PSEN1: variants seen among roughly 807,000 people sequenced by gnomAD.
The protein encoded by PSEN1 is presenilin 1.
A neutral mutation model predicts 53.5 loss-of-function variants in PSEN1; 15 were observed. The observed-to-expected ratio is 0.28, with a 90% CI of 0.19 to 0.43. The LOEUF is 0.43. Ranked by LOEUF, PSEN1 falls within the 20% of genes least tolerant of loss-of-function variation. PSEN1 has a pLI of 1.00. For missense variants in PSEN1, 387 were observed against 571.2 expected (o/e 0.68, Z 3.29); for synonymous variants, 208 against 209.8 (o/e 0.99, Z 0.08).
intron 10 of PSEN1, among the ~76,000 whole-genome samples, chr14:73,216,784 A>G (rs1899934874): frequency 6.6e-6 from 1 of 152,096 alleles, no homozygotes; most frequent in Admixed American, 6.6e-5. Context: ...ATTAATTAAT[A>G]TGATAAAATG....
intron 3 of PSEN1, among the ~76,000 whole-genome samples, chr14:73,154,685 T>C (rs2139993904): frequency 6.6e-6 from 1 of 152,232 alleles, no homozygotes; most frequent in South Asian, 2.1e-4. Flanking sequence ...ATATGACAGA[T>C]ATATCCCAAT....
At chr14:73,197,279 G>C (rs1814828311) in intron 7 of PSEN1, among the ~76,000 whole-genome samples, 1 of 152,150 alleles carries the variant, frequency 6.6e-6, no homozygotes, top group Admixed American at 6.5e-5. Flanking sequence ...AAGTGCAGTT[G>C]ATCGAAAGAA....
intron 6 of PSEN1, among the ~76,000 whole-genome samples, chr14:73,188,733 C>T (rs1472593253): frequency 6.6e-6 from 1 of 152,140 alleles, no homozygotes; most frequent in Admixed American, 6.5e-5. Flanking sequence ...AGAAGCTTGC[C>T]TATTAAGGTC....
Position 73,219,741 on chromosome 14 carries a change from T to G in PSEN1, c.*452T>G, listed in dbSNP as rs200629432. 5.1e-6 allele frequency: 1 copy of G among 196,000 alleles called. No homozygotes were observed. Among genetic ancestry groups the G allele is most frequent in the Non-Finnish European group, 1.1e-5 (1 of 94,584 alleles). The allele number at this position is 196,000 out of a possible 1,614,324, so 12.1% of individuals were successfully genotyped here. A position where few individuals can be genotyped will look rare whatever the true frequency, so the allele number is the denominator to read the frequency against. ...GAAAATCAACCCAATAATTCTGTAT[T>G]AACTGAATTCTGAACTTTTCAGGAG... On this transcript the variant is annotated 3_prime_UTR_variant, in exon 12 of 12. Transcript: ENST00000324501.
At chr14:73,148,258 A>G (rs1897126209) in intron 3 of PSEN1, 152 bp downstream of exon 3, 1 of 715,644 alleles carries the variant, frequency 1.4e-6, no homozygotes, top group Non-Finnish European at 2.5e-6. Flanking sequence ...TTGCTGGAGG[A>G]CACAGGGCTG....
At chr14:73,195,344 T>A (rs1010518263) in intron 7 of PSEN1, among the ~76,000 whole-genome samples, 1 of 152,088 alleles carries the variant, frequency 6.6e-6, no homozygotes, top group African/African-American at 2.4e-5. Flanking sequence ...AGCTAATTTT[T>A]GTATTTTTAG....
intron 3 of PSEN1, chr14:73,168,059 A>G (rs1223362774): frequency 6.6e-6 from 1 of 152,028 alleles, no homozygotes; most frequent in African/African-American, 2.4e-5. Context: ...TGTGCTCATA[A>G]AAATATTTCA....
intron 3 of PSEN1, among the ~76,000 whole-genome samples, chr14:73,154,321 G>C (rs1436085753): frequency 6.6e-6 from 1 of 152,148 alleles, no homozygotes; most frequent in Admixed American, 6.5e-5. Flanking sequence ...TGCAGAGCTA[G>C]GTGTGGTGGC....
intron 8 of PSEN1, among the ~76,000 whole-genome samples, chr14:73,201,881 G>A (rs1251361269): frequency 6.6e-6 from 1 of 151,630 alleles, no homozygotes; most frequent in African/African-American, 2.4e-5. Flanking sequence ...GGAGTAGCTG[G>A]GATTATAGGC....
chr14:73,143,702 A>G (rs190271846), intron 1 of PSEN1, among the ~76,000 whole-genome samples: 464 of 152,280 alleles, frequency 3.0e-3, no homozygotes, highest in Non-Finnish European at 5.2e-3. Context: ...GCATAGGGTA[A>G]AAATGGAAAC....
intron 1 of PSEN1, among the ~76,000 whole-genome samples, chr14:73,139,677 C>G (rs1896862436): frequency 6.6e-6 from 1 of 152,186 alleles, no homozygotes; most frequent in Non-Finnish European, 1.5e-5. Flanking sequence ...ATTTCAATAT[C>G]TAACCAGTAT....
Position 73,192,662 on chromosome 14 carries a change from T to C in PSEN1, c.567T>C (p.Tyr189=), listed in dbSNP as rs757147759. The C allele has an allele frequency of 5.0e-6, 8 of 1,613,736 alleles. No individual in the cohort carries two copies. In the South Asian group the frequency reaches 6.6e-5, roughly 13 times the overall value. The change falls in exon 7 of 12, where the codon TAT becomes TAC. Residue 189 remains tyrosine (Y), a synonymous_variant. Transcript: ENST00000324501. Reference sequence around the variant, plus strand: ...TTTTCAGGGAAGTGTTTAAAACCTATAACGTTGCTGTGGACTACATTACTG... The same window carrying C: ...TTTTCAGGGAAGTGTTTAAAACCTACAACGTTGCTGTGGACTACATTACTG... ...FIYLGEVFKT[Y]NVAVDYITVA...
At chr14:73,202,509 G>C (rs1221940082) in intron 8 of PSEN1, among the ~76,000 whole-genome samples, 1 of 86,200 alleles carries the variant, frequency 1.2e-5, no homozygotes, top group Non-Finnish European at 2.1e-5. Flanking sequence ...GTCTTGCTCT[G>C]TCACCCAGGC....
chr14:73,180,985 A>C lies in PSEN1; in HGVS notation c.481-5868A>C, dbSNP rs549100609. ...TTGCTTTTATGATATATTCTAAAGAAGGAATTAGAAATGCAGAAAAATATT... is the reference window on the plus strand; with the variant it reads ...TTGCTTTTATGATATATTCTAAAGACGGAATTAGAAATGCAGAAAAATATT... On this transcript the variant is annotated intron_variant, in intron 5 of 11. Coordinates refer to ENST00000324501, the MANE Select transcript of PSEN1 (RefSeq NM_000021.4). 2.6e-5 allele frequency among the ~76,000 whole-genome samples: 4 copies of C among 152,362 alleles called. No individual in the cohort carries two copies. In the South Asian group the frequency reaches 6.2e-4, roughly 24 times the overall value.
intron 4 of PSEN1, 116 bp from the exon 5 acceptor site, chr14:73,173,450 T>G: frequency 3.8e-6 from 4 of 1,056,356 alleles, no homozygotes; most frequent in Non-Finnish European, 5.8e-6. Flanking sequence ...TGGGGAAAAG[T>G]GACTTATAAG....
At chr14:73,162,766 C>T (rs1028811654) in intron 3 of PSEN1, among the ~76,000 whole-genome samples, 2 of 152,112 alleles carry the variant, frequency 1.3e-5, no homozygotes, top group Non-Finnish European at 2.9e-5. Flanking sequence ...ACTGTACTAC[C>T]ATTTGTGTGA....
At chr14:73,143,745 G>C (rs1896989622) in intron 1 of PSEN1, among the ~76,000 whole-genome samples, 1 of 152,102 alleles carries the variant, frequency 6.6e-6, no homozygotes, top group African/African-American at 2.4e-5. Flanking sequence ...GGCTGCAGTG[G>C]CTCAGGCCTG....
At chr14:73,178,235 T>C (rs1366628466) in intron 5 of PSEN1, among the ~76,000 whole-genome samples, 1 of 150,728 alleles carries the variant, frequency 6.6e-6, no homozygotes, top group Non-Finnish European at 1.5e-5. Context: ...TTTTTTTTTT[T>C]TTGAGACCGA....
chr14:73,167,036 C>CT (rs1288696268), intron 3 of PSEN1, among the ~76,000 whole-genome samples: 1 of 151,954 alleles, frequency 6.6e-6, no homozygotes, highest in African/African-American at 2.4e-5. Flanking sequence ...TTGTTTTCTT[C>CT]TTTTTTGTAT....
Sources: allele counts gnomAD v4.1 joint callset (sites outside exome capture counted in the v4.1 genomes callset), GRCh38; gene constraint gnomAD v4.1.1; transcripts MANE v1.5; gene names NCBI Gene and HGNC (gene_info 2026-07-23, HGNC 2026-07-21).